HTR2C: variants seen among roughly 807,000 people sequenced by gnomAD.
The protein encoded by HTR2C is 5-hydroxytryptamine (serotonin) receptor 2C, G protein-coupled.
HTR2C carries 5 observed loss-of-function variants against 21.0 expected under a neutral mutation model. The ratio of observed to expected loss-of-function variants is 0.24; its 90% confidence interval spans 0.12 to 0.50. The LOEUF is 0.50. HTR2C is among the 20% of genes least tolerant of loss of function. The probability of loss-of-function intolerance (pLI) is 0.98; values close to 1 mark genes in which losing one functional copy is unlikely to be tolerated. For missense variants in HTR2C, 271 were observed against 371.2 expected, an observed-to-expected ratio of 0.73 and a Z score of 2.22; for synonymous variants, 150 against 145.3, an observed-to-expected ratio of 1.03 and a Z score of -0.23.
At chrX:114,591,426 C>T (rs1250502755) in intron 1 of HTR2C, among the ~76,000 whole-genome samples, 6 of 111,673 alleles carry the variant, frequency 5.4e-5, no homozygotes, top group Admixed American at 1.9e-4. Context: ...TGGAAAAGAA[C>T]TTGTATGGTA....
intron 2 of HTR2C, among the ~76,000 whole-genome samples, chrX:114,641,291 T>A (rs1246417176): frequency 9.0e-6 from 1 of 111,356 alleles, no homozygotes; most frequent in East Asian, 2.8e-4. Context: ...CACGAATAGA[T>A]GCATATATTT....
intron 2 of HTR2C, among the ~76,000 whole-genome samples, chrX:114,683,997 T>C (rs972293009): frequency 2.9e-4 from 32 of 111,301 alleles, no homozygotes; most frequent in Non-Finnish European, 5.3e-4. Context: ...AAGGCACATA[T>C]CTTTCCCTGA....
chrX:114,895,988 CAA>C (rs60421212), intron 5 of HTR2C, among the ~76,000 whole-genome samples: 5 of 88,030 alleles, frequency 5.7e-5, no homozygotes, highest in Admixed American at 1.3e-4. Flanking sequence ...GACTCTGTCT[CAA>C]AAAAAAAAAA....
At chrX:114,830,391 A>G (rs1460923997) in intron 4 of HTR2C, among the ~76,000 whole-genome samples, 3 of 111,283 alleles carry the variant, frequency 2.7e-5, no homozygotes, top group African/African-American at 6.5e-5. Flanking sequence ...GGAAAGGAAA[A>G]TAATTCTTTT....
intron 5 of HTR2C, among the ~76,000 whole-genome samples, chrX:114,854,975 C>T (rs781974513): frequency 6.3e-4 from 70 of 111,649 alleles, no homozygotes; most frequent in Non-Finnish European, 1.9e-4. Context: ...AGAAAATGTT[C>T]GATGTCACTA....
At chrX:114,756,863 A>G (rs782042413) in intron 4 of HTR2C, among the ~76,000 whole-genome samples, 17 of 108,770 alleles carry the variant, frequency 1.6e-4, no homozygotes, top group Non-Finnish European at 2.7e-4. Flanking sequence ...CTCTCGGCAT[A>G]ATTTATTGCA....
chrX:114,706,376 C>T lies in HTR2C; in HGVS notation c.-79-20482C>T, dbSNP rs1485602275. Among the ~76,000 whole-genome samples the T allele has an allele frequency of 9.0e-5, 8 of 88,989 alleles. No homozygotes were observed. In the Admixed American group the frequency reaches 1.1e-3, roughly 12 times the overall value. 77.3% of individuals were successfully genotyped at this position (88,989 alleles called of 115,157 possible). On this transcript the variant is annotated intron_variant, in intron 2 of 5. Coordinates refer to ENST00000276198, the MANE Select transcript of HTR2C (RefSeq NM_000868.4). ...ATATACACCATGGAATACTATGCAG[C>T]CATAAAAAATGATGAGTTCATGTCC...
chrX:114,908,497 GA>G lies in HTR2C; in HGVS notation c.*1092del, dbSNP rs1205515361. 4.7e-4 allele frequency: 50 copies of G among 106,540 alleles called. No individual in the cohort carries two copies. Among genetic ancestry groups the G allele is most frequent in the South Asian group, 3.7e-3 (9 of 2,448 alleles). The allele number at this position is 106,540 out of a possible 1,213,427, so 8.8% of individuals were successfully genotyped here. A position where few individuals can be genotyped will look rare whatever the true frequency, so the allele number is the denominator to read the frequency against. On this transcript the variant is annotated 3_prime_UTR_variant, in exon 6 of 6. Coordinates refer to ENST00000276198, the MANE Select transcript of HTR2C (RefSeq NM_000868.4). ...CTACAGAATTGGGCCCTTAGAATGTGAAAAAAAAAAGTAATTAAAAAGACAC... is the reference window on the plus strand; with the variant it reads ...CTACAGAATTGGGCCCTTAGAATGTGAAAAAAAAAGTAATTAAAAAGACAC...
chrX:114,838,589 T>C (rs1368339245), intron 4 of HTR2C, among the ~76,000 whole-genome samples: 1 of 111,941 alleles, frequency 8.9e-6, no homozygotes, highest in East Asian at 2.8e-4. Context: ...GCTGGAGTCA[T>C]TAAAAATCAT....
intron 5 of HTR2C, among the ~76,000 whole-genome samples, chrX:114,888,823 A>G (rs1415848505): frequency 8.9e-6 from 1 of 112,272 alleles, no homozygotes; most frequent in Non-Finnish European, 1.9e-5. Context: ...GGTCATGCCA[A>G]AAGTGGACCT....
At chrX:114,640,866 CTT>C (rs1408611857) in intron 2 of HTR2C, among the ~76,000 whole-genome samples, 12 of 107,979 alleles carry the variant, frequency 1.1e-4, no homozygotes, top group African/African-American at 3.7e-4. Flanking sequence ...GTTTCGTTCT[CTT>C]TCTTTCTTTC....
chrX:114,642,792 T>C (rs1382188369), intron 2 of HTR2C, among the ~76,000 whole-genome samples: 1 of 91,062 alleles, frequency 1.1e-5, no homozygotes, highest in Non-Finnish European at 2.2e-5. Flanking sequence ...TGTAATTTTT[T>C]ATAGAAATTA....
chrX:114,708,063 T>A (rs782428748), intron 2 of HTR2C, among the ~76,000 whole-genome samples: 1 of 111,591 alleles, frequency 9.0e-6, no homozygotes, highest in East Asian at 2.8e-4. Flanking sequence ...AAACATATAT[T>A]ATCAGAGTTG....
chrX:114,672,965 C>T lies in HTR2C; in HGVS notation c.-79-53893C>T, dbSNP rs781999945. ...ATCTGGAGGCTCATCTAATTGCACC[C>T]TCAAGATCAACAGGATTTAGTTAAA... On this transcript the variant is annotated intron_variant, in intron 2 of 5. Coordinates refer to ENST00000276198, the MANE Select transcript of HTR2C (RefSeq NM_000868.4). 2.1e-3 allele frequency among the ~76,000 whole-genome samples: 230 copies of T among 111,909 alleles called. 3 individuals carry two copies. The highest frequency in any genetic ancestry group is 7.1e-3 in the African/African-American group (220 of 30,863).
At chrX:114,726,390 C>T (rs1327674558) in intron 2 of HTR2C, among the ~76,000 whole-genome samples, 1 of 112,200 alleles carries the variant, frequency 8.9e-6, no homozygotes, top group African/African-American at 3.2e-5. Flanking sequence ...ACGGTGCGTG[C>T]ACCCACTGAC....
chrX:114,610,872 G>A (rs1301755424), intron 1 of HTR2C, among the ~76,000 whole-genome samples: 1 of 111,567 alleles, frequency 9.0e-6, no homozygotes, highest in Non-Finnish European at 1.9e-5. Context: ...AGAATGTCGT[G>A]ATCAGGAGGA....
chrX:114,626,402 G>A (rs868986665), intron 2 of HTR2C, among the ~76,000 whole-genome samples: 51 of 2,329 alleles, frequency 0.022, no homozygotes, highest in African/African-American at 0.029. Context: ...AAAAAAAAAA[G>A]AAAAAAAGAA....
At chrX:114,798,232 T>G (rs2070313425) in intron 4 of HTR2C, among the ~76,000 whole-genome samples, 2 of 110,492 alleles carry the variant, frequency 1.8e-5, no homozygotes, top group Non-Finnish European at 3.8e-5. Context: ...CAAGGCTTAG[T>G]GAGGTGAATT....
rs181482804 is a variant in HTR2C at position 114,700,585 on chromosome X, T to C, written c.-79-26273T>C. ...ATGAAAAAAGGTCTGGCAACCAAGA[T>C]GGCCAAATAGGAACAGCTCCAGTCT... On this transcript the variant is annotated intron_variant, in intron 2 of 5. Transcript: ENST00000276198. 6.2e-5 allele frequency among the ~76,000 whole-genome samples: 7 copies of C among 112,581 alleles called. No individual in the cohort carries two copies. In the East Asian group the frequency reaches 2.0e-3, roughly 32 times the overall value.
Sources: allele counts gnomAD v4.1 joint callset (sites outside exome capture counted in the v4.1 genomes callset), GRCh38; gene constraint gnomAD v4.1.1; transcripts MANE v1.5; gene names NCBI Gene and HGNC (gene_info 2026-07-23, HGNC 2026-07-21).